The following ZAN variants were observed in gnomAD, a reference collection of about 807,000 sequenced individuals.
ZAN encodes zonadhesin (gene/pseudogene).
ZAN carries 260 observed loss-of-function variants against 286.2 expected under a neutral mutation model. The observed-to-expected ratio is 0.91, with a 90% confidence interval of 0.82 to 1.01. ZAN has a LOEUF of 1.01. Ranked by LOEUF, ZAN falls within the 50% of genes least tolerant of loss-of-function variation. The probability of loss-of-function intolerance (pLI) is 0.00; values close to 1 mark genes in which losing one functional copy is unlikely to be tolerated. For synonymous variants in ZAN, 1,368 were observed against 1,417.5 expected, an observed-to-expected ratio of 0.97 and a Z score of 0.79; for missense variants, 3,410 against 3,639.2, an observed-to-expected ratio of 0.94 and a Z score of 1.62.
Position 100,795,186 on chromosome 7 carries a change from G to T in ZAN, c.8126-10G>T. ...GGGCCCCCCTCCCACAACCCTCTCTGTCCTTGCAGAAAGCCCGTGTCTGCA... is the reference window on the plus strand; with the variant it reads ...GGGCCCCCCTCCCACAACCCTCTCTTTCCTTGCAGAAAGCCCGTGTCTGCA... On this transcript the variant is annotated splice_polypyrimidine_tract_variant and intron_variant, in intron 44 of 47. Transcript: ENST00000613979. The T allele has an allele frequency of 1.6e-5, 25 of 1,605,784 alleles. No individual in the cohort carries two copies. The highest frequency in any genetic ancestry group is 2.0e-5 in the Non-Finnish European group (24 of 1,176,200).
chr7:100,758,464 C>T, intron 16 of ZAN, 67 bp from the exon 17 acceptor site: 3 of 1,552,694 alleles, frequency 1.9e-6, no homozygotes, highest in Non-Finnish European at 8.7e-7. Context: ...GCGGGTGGGC[C>T]AGCATGTGCG....
At chr7:100,753,263 AAGTC>A in intron 14 of ZAN, 34 bp downstream of exon 14, 1 of 1,536,670 alleles carries the variant, frequency 6.5e-7, no homozygotes, top group Non-Finnish European at 8.7e-7. Context: ...CCAAGGCTGA[AAGTC>A]AGAGACAATG....
chr7:100,791,094 G>A lies in ZAN; in HGVS notation c.7510G>A (p.Ala2504Thr), dbSNP rs375489174. Residue 2504 changes from alanine to threonine, a missense_variant, in exon 40 of 48, where the codon GCA (alanine) becomes ACA (threonine). This residue lies in a region of ZAN where 1,289 missense variants were observed against 1,314.3 expected (regional missense o/e 0.98). Coordinates refer to ENST00000613979, the MANE Select transcript of ZAN (RefSeq NM_003386.3). ...CAGCTGGGAGGTGAAGACCGAGGAC[G>A]CACTCCTGCGCTTCCCCAGGTGCAC... is the stretch of plus-strand genomic sequence containing the variant. Reference protein sequence around the residue: ...GNSWEVKTEDALLRFPRAIPA... With the variant: ...GNSWEVKTEDTLLRFPRAIPA... 3.7e-6 allele frequency: 6 copies of A among 1,611,814 alleles called. No homozygotes were observed. Among genetic ancestry groups the A allele is most frequent in the African/African-American group, 1.3e-5 (1 of 74,852 alleles).
intron 23 of ZAN, 70 bp downstream of exon 23, chr7:100,765,624 C>T: frequency 6.8e-7 from 1 of 1,464,898 alleles, no homozygotes; most frequent in Non-Finnish European, 9.2e-7. Flanking sequence ...ACACCCCCTG[C>T]AAGCTCTTTC....
intron 39 of ZAN, 130 bp downstream of exon 39, chr7:100,789,477 G>C (rs977782869): frequency 7.0e-7 from 1 of 1,435,254 alleles, no homozygotes; most frequent in Admixed American, 2.1e-5. Context: ...TTCAGAGGAG[G>C]ACCAGGAGGA....
rs369613103 is a variant in ZAN at position 100,779,541 on chromosome 7, G to A, written c.6413G>A (p.Arg2138Gln). The A allele has an allele frequency of 3.1e-6, 5 of 1,611,974 alleles. No individual in the cohort carries two copies. The highest frequency in any genetic ancestry group is 1.3e-5 in the African/African-American group (1 of 74,920). Residue 2138 changes from arginine to glutamine, a missense_variant, in exon 35 of 48, where the codon CGG becomes CAG. Physicochemically the swap from Arg to Gln is conservative, Grantham distance 43. Coordinates refer to ENST00000613979, the MANE Select transcript of ZAN (RefSeq NM_003386.3). ...NCRAADLRRAREKCEAALRAP... is the reference protein window; with the variant it reads ...NCRAADLRRAQEKCEAALRAP... The stretch of plus-strand genomic sequence containing the variant: ...AGGGCGGCCGACCTCCGCAGGGCGC[G>A]GGAAAAGTGCGAGGCAGCGCTCCGG...
intron 17 of ZAN, 66 bp downstream of exon 17, chr7:100,758,716 G>C: frequency 6.5e-7 from 1 of 1,528,978 alleles, no homozygotes; most frequent in South Asian, 1.2e-5. Flanking sequence ...TAGGCATGGG[G>C]CATGGTGGGT....
intron 40 of ZAN, 98 bp from the exon 41 acceptor site, chr7:100,791,868 C>T: frequency 7.1e-7 from 1 of 1,407,686 alleles, no homozygotes; most frequent in South Asian, 1.5e-5. Flanking sequence ...GCTGGGACTC[C>T]AGGCAGCCAC....
At chr7:100,783,255 C>T (rs552551597) in intron 35 of ZAN, among the ~76,000 whole-genome samples, 152 of 151,746 alleles carry the variant, frequency 1.0e-3, no homozygotes, top group African/African-American at 2.0e-3. Context: ...GCGGAAAGAG[C>T]GAAACTCTAT....
Position 100,740,292 on chromosome 7 carries a change from TA to T in ZAN, c.766+1680del, listed in dbSNP as rs1279170341. Among the ~76,000 whole-genome samples, 113 of 133,852 alleles carry T rather than the reference TA, an allele frequency of 8.4e-4. 20 individuals carry two copies. The highest frequency in any genetic ancestry group is 2.8e-3 in the African/African-American group (96 of 34,890). The allele number at this position is 133,852 out of a possible 152,430, so 87.8% of individuals were successfully genotyped here. A position where few individuals can be genotyped will look rare whatever the true frequency, so the allele number is the denominator to read the frequency against. On this transcript the variant is annotated intron_variant, in intron 7 of 47. Coordinates refer to ENST00000613979, the MANE Select transcript of ZAN (RefSeq NM_003386.3). ...GAGCAGTGACTTGATCTGACTTATT[TA>T]TTTTTTTTTTTTTAATTTATTTTTT...
At position 100,792,104 on chromosome 7, in the gene ZAN, C is replaced by T. The variant is rs769946328; in HGVS notation, c.7668C>T (p.Pro2556=). Residue 2556 remains proline (P), a synonymous_variant, in exon 41 of 48, where the codon CCC becomes CCT. Transcript: ENST00000613979. ...GGGTGCTGGCAGACCCCCAGGGCCC[C>T]TTTGCTGCCTGTCACCAGACGGTGG... The part of the protein sequence containing the change: ...ACRVLADPQG[P]FAACHQTVAP... 5 of 1,612,484 alleles carry T rather than the reference C, an allele frequency of 3.1e-6. No homozygotes were observed. The highest frequency in any genetic ancestry group is 2.5e-6 in the Non-Finnish European group (3 of 1,179,640).
intron 31 of ZAN, 35 bp downstream of exon 31, chr7:100,773,900 C>G: frequency 6.3e-7 from 1 of 1,574,960 alleles, no homozygotes; most frequent in African/African-American, 1.3e-5. Context: ...GACTCCACAG[C>G]CCTGAGGCCC....
intron 22 of ZAN, 65 bp downstream of exon 22, chr7:100,764,261 T>C (rs1809797777): frequency 7.0e-7 from 1 of 1,435,514 alleles, no homozygotes; most frequent in East Asian, 2.5e-5. Flanking sequence ...TCCCAGCACT[T>C]TGGGAGTCCG....
At chr7:100,773,627 G>T in intron 30 of ZAN, 94 bp from the exon 31 acceptor site, 3 of 1,544,420 alleles carry the variant, frequency 1.9e-6, no homozygotes, top group Non-Finnish European at 2.6e-6. Flanking sequence ...GGGCGAGGAG[G>T]AAGGGCAGAT....
At chr7:100,765,581 C>A in intron 23 of ZAN, 27 bp downstream of exon 23, 1 of 1,573,154 alleles carries the variant, frequency 6.4e-7, no homozygotes. Flanking sequence ...ACCTCTCAGC[C>A]CTGCAGCTAG....
Position 100,789,351 on chromosome 7 carries a change from A to T in ZAN, c.7357+4A>T. ...TTTGGTGGAAGGAAAAATGCAGGTA[A>T]TGGAGAGAGGGGAAAGAAGAGCAAA... On this transcript the variant is annotated splice_donor_region_variant and intron_variant, in intron 39 of 47. Transcript: ENST00000613979. 1 of 1,613,064 alleles carries T rather than the reference A, an allele frequency of 6.2e-7. No homozygotes were observed. Among genetic ancestry groups the T allele is most frequent in the Non-Finnish European group, 8.5e-7 (1 of 1,179,440 alleles).
In ZAN at chr7:100,751,851, A is replaced by G; in HGVS notation, c.1746A>G (p.Glu582=). ...VSIEKPSVTT[E]KPTVPKEKPT... is the part of the protein sequence containing the mutation. ...TAGAAAAACCCAGTGTCACCACAGA[A>G]AAGCCCACAGTCCCCAAAGAAAAGC... The change falls in exon 14 of 48, where the codon GAA becomes GAG. Residue 582 remains glutamate, a synonymous_variant. Coordinates refer to ENST00000613979, the MANE Select transcript of ZAN (RefSeq NM_003386.3). 6.2e-7 allele frequency: 1 copy of G among 1,613,638 alleles called. No individual in the cohort carries two copies. The highest frequency in any genetic ancestry group is 8.5e-7 in the Non-Finnish European group (1 of 1,179,754).
intron 44 of ZAN, 135 bp downstream of exon 44, chr7:100,794,393 G>A: frequency 2.2e-6 from 3 of 1,378,584 alleles, no homozygotes; most frequent in Admixed American, 2.5e-5. Context: ...TTGTAGGGAG[G>A]GACAAAGGAC....
At chr7:100,760,584 C>G in intron 19 of ZAN, 48 bp downstream of exon 19, 1 of 1,605,172 alleles carries the variant, frequency 6.2e-7, no homozygotes, top group Non-Finnish European at 8.5e-7. Flanking sequence ...CCTGCTGCCT[C>G]TTCCTGCTGC....
Sources: gnomAD v4.1 joint callset for allele counts (sites outside exome capture counted in the v4.1 genomes callset) on GRCh38, gnomAD v4.1.1 for gene constraint, gnomAD v4.1.1 regional missense constraint, MANE v1.5 for transcripts, NCBI Gene and HGNC (gene_info 2026-07-23, HGNC 2026-07-21) for gene names.